PDZD2: variants seen among roughly 807,000 people sequenced by gnomAD.
PDZD2 encodes the protein PDZ domain containing 2.
PDZD2 carries 90 observed loss-of-function variants against 220.7 expected under a neutral mutation model. The ratio of observed to expected loss-of-function variants is 0.41; its 90% CI spans 0.34 to 0.49. The LOEUF is 0.49. Among genes scored for constraint, PDZD2 ranks in the 20% least tolerant of loss-of-function variants. PDZD2 has a pLI of 0.28. For missense variants in PDZD2, 3,174 were observed against 3,608.5 expected (o/e 0.88, Z 3.08); for synonymous variants, 1,375 against 1,450.5 (o/e 0.95, Z 1.18).
chr5:31,964,540 G>A (rs1260913613), intron 2 of PDZD2, among the ~76,000 whole-genome samples: 1 of 151,872 alleles, frequency 6.6e-6, no homozygotes, highest in Non-Finnish European at 1.5e-5. Flanking sequence ...AGAAATCTTT[G>A]TGGATGCCTT....
chr5:31,827,417 G>T (rs188695586), intron 2 of PDZD2, among the ~76,000 whole-genome samples: 87 of 152,244 alleles, frequency 5.7e-4, no homozygotes, highest in African/African-American at 2.1e-3. Context: ...CTGAGGCTGG[G>T]TGTGGTGGCT....
chr5:32,002,772 CA>C (rs1752302633), intron 5 of PDZD2, among the ~76,000 whole-genome samples: 3 of 120,698 alleles, frequency 2.5e-5, no homozygotes, highest in African/African-American at 9.5e-5. Context: ...ACACCACACA[CA>C]CCAACACACA....
chr5:32,010,355 G>T lies in PDZD2; in HGVS notation c.1280G>T (p.Arg427Met), dbSNP rs770613179. The change falls in exon 6 of 25, where the codon AGG (arginine) becomes ATG (methionine). Residue 427 changes from arginine to methionine, a missense_variant. This residue lies in a region of PDZD2 where 632 missense variants were observed against 708.1 expected (regional missense o/e 0.89). Coordinates refer to ENST00000438447, the MANE Select transcript of PDZD2 (RefSeq NM_178140.4). ...SKENSAEDLL[R>M]LTSKSLPDLT... ...GAAAACTCCGCAGAGGACCTCCTCAGGTTAACATCTAAGAGCTTGCCAGAT... is the reference window on the plus strand; with the variant it reads ...GAAAACTCCGCAGAGGACCTCCTCATGTTAACATCTAAGAGCTTGCCAGAT... The T allele has an allele frequency of 6.2e-7, 1 of 1,608,784 alleles. No homozygotes were observed. The highest frequency in any genetic ancestry group is 8.5e-7 in the Non-Finnish European group (1 of 1,175,780).
chr5:31,966,409 C>G (rs1488541365), intron 2 of PDZD2, among the ~76,000 whole-genome samples: 1 of 152,176 alleles, frequency 6.6e-6, no homozygotes, highest in Non-Finnish European at 1.5e-5. Context: ...GTGCATCCAA[C>G]AATTTAGGGT....
intron 1 of PDZD2, among the ~76,000 whole-genome samples, chr5:31,745,502 G>A (rs532455617): frequency 2.6e-5 from 4 of 152,328 alleles, no homozygotes; most frequent in Admixed American, 2.6e-4. Context: ...CACACGCCCT[G>A]GAGAGACATC....
chr5:32,077,712 T>G, intron 19 of PDZD2, 106 bp downstream of exon 19: 1 of 1,192,894 alleles, frequency 8.4e-7, no homozygotes, highest in South Asian at 1.3e-5. Flanking sequence ...ATCCCAGCAC[T>G]CTGGGAGGCC....
intron 2 of PDZD2, among the ~76,000 whole-genome samples, chr5:31,863,702 C>G (rs1737932334): frequency 6.6e-6 from 1 of 152,130 alleles, no homozygotes; most frequent in African/African-American, 2.4e-5. Context: ...TTAACAGTTT[C>G]ACTTGTCAGT....
intron 2 of PDZD2, among the ~76,000 whole-genome samples, chr5:31,926,683 A>G (rs1180446887): frequency 6.6e-6 from 1 of 152,112 alleles, no homozygotes; most frequent in Non-Finnish European, 1.5e-5. Flanking sequence ...AACTTAAAAC[A>G]GAACTACCAT....
In PDZD2 at chr5:31,725,553, A is replaced by G. The variant is rs1180133663; in HGVS notation, c.-360-73336A>G. ...ACCAGGGGCCACTGGACTTAGGACT[A>G]GTCCAAGACCTTGATCTAGATTTTG... On this transcript the variant is annotated intron_variant, in intron 1 of 24. Transcript: ENST00000438447. 6 of 1,459,140 alleles carry G rather than the reference A, an allele frequency of 4.1e-6. No homozygotes were observed. In the Admixed American group the frequency reaches 8.2e-5, roughly 20 times the overall value. 90.4% of individuals were successfully genotyped at this position (1,459,140 alleles called of 1,614,324 possible). A position where few individuals can be genotyped will look rare whatever the true frequency, so the allele number is the denominator to read the frequency against.
intron 2 of PDZD2, among the ~76,000 whole-genome samples, chr5:31,976,821 G>A (rs1194690444): frequency 1.4e-5 from 2 of 141,524 alleles, no homozygotes; most frequent in East Asian, 2.2e-4. Flanking sequence ...AGGTTCAAGC[G>A]ATTCTCCTGC....
intron 1 of PDZD2, among the ~76,000 whole-genome samples, chr5:31,780,236 G>A (rs986204925): frequency 3.3e-5 from 5 of 152,074 alleles, no homozygotes; most frequent in Non-Finnish European, 7.4e-5. Context: ...AGTCAAGCAC[G>A]TGAGAGTGGG....
At chr5:32,055,996 C>T (rs944116438) in intron 10 of PDZD2, among the ~76,000 whole-genome samples, 1 of 152,156 alleles carries the variant, frequency 6.6e-6, no homozygotes, top group South Asian at 2.1e-4. Context: ...ACTTGATTCT[C>T]CTAAATAGCG....
chr5:31,974,387 G>T (rs1047980953), intron 2 of PDZD2, among the ~76,000 whole-genome samples: 1 of 152,248 alleles, frequency 6.6e-6, no homozygotes, highest in African/African-American at 2.4e-5. Flanking sequence ...TTCAATATTG[G>T]TTTGAGTTTT....
chr5:31,925,566 G>T (rs1744677065), intron 2 of PDZD2, among the ~76,000 whole-genome samples: 1 of 152,028 alleles, frequency 6.6e-6, no homozygotes, highest in Non-Finnish European at 1.5e-5. Flanking sequence ...AGAATTGATG[G>T]CTAAGTCCTC....
Position 31,983,647 on chromosome 5 carries a change from C to G in PDZD2, c.969C>G (p.Cys323Trp), listed in dbSNP as rs769123460. ...AGACGGACTTCCAATCGAGTGACTG[C>G]CTGGCACGGGTAAGGTTTGGTTTGA... ...GGKTDFQSSDCLAREEVGRIW... is the reference protein window; with the variant it reads ...GGKTDFQSSDWLAREEVGRIW... The change falls in exon 3 of 25, where the codon TGC (cysteine) becomes TGG (tryptophan). Residue 323 changes from cysteine to tryptophan, a missense_variant. Around this residue, in one of 4 missense-constraint regions of PDZD2, gnomAD observed 632 missense variants for 708.1 expected, o/e 0.89. Coordinates refer to ENST00000438447, the MANE Select transcript of PDZD2 (RefSeq NM_178140.4). The G allele has an allele frequency of 9.9e-6, 16 of 1,612,690 alleles. No individual in the cohort carries two copies. The East Asian group carries it at 3.3e-4, about 34-fold the overall frequency.
intron 3 of PDZD2, among the ~76,000 whole-genome samples, chr5:31,987,987 A>G (rs1218999431): frequency 4.6e-5 from 7 of 152,042 alleles, no homozygotes; most frequent in Admixed American, 3.9e-4. Flanking sequence ...CTTTACTCCC[A>G]TAACTTCAGG....
At chr5:32,031,085 C>A (rs1486037998) in intron 6 of PDZD2, among the ~76,000 whole-genome samples, 1 of 152,114 alleles carries the variant, frequency 6.6e-6, no homozygotes, top group Non-Finnish European at 1.5e-5. Flanking sequence ...GTTTTCTGGG[C>A]CTGGAATTCC....
intron 2 of PDZD2, among the ~76,000 whole-genome samples, chr5:31,955,683 CT>C (rs34964306): frequency 0.25 from 29,069 of 116,872 alleles, 2,825 homozygotes; most frequent in Non-Finnish European, 0.28. Flanking sequence ...GGGCTCTGTT[CT>C]TTTTTTTTTT....
intron 2 of PDZD2, among the ~76,000 whole-genome samples, chr5:31,971,224 A>T (rs1749269353): frequency 6.6e-6 from 1 of 152,238 alleles, no homozygotes; most frequent in African/African-American, 2.4e-5. Flanking sequence ...TCAAGGCACC[A>T]GCAAGCTTGG....
Sources: gnomAD v4.1 joint callset for allele counts (sites outside exome capture counted in the v4.1 genomes callset) on GRCh38, gnomAD v4.1.1 for gene constraint, gnomAD v4.1.1 regional missense constraint, MANE v1.5 for transcripts, NCBI Gene and HGNC (gene_info 2026-07-23, HGNC 2026-07-21) for gene names.